Variants in ABCA1 observed in about 807,000 individuals in gnomAD.
ABCA1 encodes the protein phospholipid-transporting ATPase ABCA1.
In ABCA1, 133 loss-of-function variants were observed where a neutral mutation model predicts 262.5. That is an observed-to-expected ratio of 0.51 (90% CI 0.44 to 0.59). The LOEUF (loss-of-function observed/expected upper bound fraction) is 0.59. ABCA1 is among the 20% of genes least tolerant of loss of function. ABCA1 has a pLI of 0.00. For missense variants in ABCA1, 2,452 were observed against 2,777.5 expected (o/e 0.88, Z 2.63); for synonymous variants, 1,022 against 1,043.5 (o/e 0.98, Z 0.40).
At chr9:104,851,512 A>C (rs1462025621) in intron 7 of ABCA1, among the ~76,000 whole-genome samples, 4 of 152,132 alleles carry the variant, frequency 2.6e-5, no homozygotes, top group Non-Finnish European at 4.4e-5. Context: ...GGACCAATGC[A>C]TATACTATGT....
chr9:104,805,367 G>A (rs946103974), intron 31 of ABCA1, among the ~76,000 whole-genome samples: 4 of 152,232 alleles, frequency 2.6e-5, no homozygotes, highest in East Asian at 1.9e-4. Flanking sequence ...GAGCCACCCC[G>A]CACCTGGACT....
chr9:104,801,989 A>G (rs1830376869), intron 34 of ABCA1, 65 bp downstream of exon 34: 1 of 1,447,734 alleles, frequency 6.9e-7, no homozygotes, highest in Non-Finnish European at 9.7e-7. Context: ...TAACCTGCCA[A>G]CTACTCCTAT....
At chr9:104,891,547 G>A (rs187652500) in intron 2 of ABCA1, among the ~76,000 whole-genome samples, 6 of 151,882 alleles carry the variant, frequency 4.0e-5, no homozygotes, top group Admixed American at 1.3e-4. Flanking sequence ...AGAATCACTC[G>A]AACCCAGAAG....
intron 2 of ABCA1, among the ~76,000 whole-genome samples, chr9:104,895,444 A>G (rs913618070): frequency 1.3e-5 from 2 of 151,940 alleles, no homozygotes; most frequent in African/African-American, 4.8e-5. Flanking sequence ...ATATCAGCAC[A>G]TACATTCCCA....
At chr9:104,785,239 G>A (rs1270307971) in intron 49 of ABCA1, among the ~76,000 whole-genome samples, 157 bp downstream of exon 49, 1 of 152,096 alleles carries the variant, frequency 6.6e-6, no homozygotes, top group African/African-American at 2.4e-5. Flanking sequence ...CCCTTTTCAG[G>A]TTCAGAGAGG....
chr9:104,789,221 C>T (rs1403008460), intron 44 of ABCA1, among the ~76,000 whole-genome samples: 2 of 152,210 alleles, frequency 1.3e-5, no homozygotes, highest in African/African-American at 2.4e-5. Context: ...TTGAGGCACA[C>T]GTGGACACCG....
At chr9:104,866,635 T>C (rs935165436) in intron 5 of ABCA1, among the ~76,000 whole-genome samples, 1 of 152,110 alleles carries the variant, frequency 6.6e-6, no homozygotes, top group Non-Finnish European at 1.5e-5. Flanking sequence ...GCACCCGCCA[T>C]CACGCCCAGC....
At chr9:104,821,083 A>G (rs986749326) in intron 20 of ABCA1, among the ~76,000 whole-genome samples, 1 of 152,068 alleles carries the variant, frequency 6.6e-6, no homozygotes, top group African/African-American at 2.4e-5. Flanking sequence ...TCTCTACTAA[A>G]AACACAAAAA....
At chr9:104,893,191 G>A (rs1381262344) in intron 2 of ABCA1, among the ~76,000 whole-genome samples, 1 of 152,064 alleles carries the variant, frequency 6.6e-6, no homozygotes, top group Non-Finnish European at 1.5e-5. Flanking sequence ...GGGAGGCTGA[G>A]GTGGGTTGAT....
intron 17 of ABCA1, 26 bp from the exon 18 acceptor site, chr9:104,824,604 C>T (rs1235796075): frequency 6.2e-7 from 1 of 1,611,686 alleles, no homozygotes; most frequent in South Asian, 1.1e-5. Context: ...AGGTATGAGC[C>T]AAGCTCAGCA....
rs777143059 is a variant in ABCA1 at position 104,806,243 on chromosome 9, G to A, written c.4462C>T (p.Gln1488Ter). ...ATCACCCCCTGAAAGTGACTCACTT[G>A]TGGAGGAGGCAGCCCCCCTGCCCCT... is the stretch of plus-strand genomic sequence containing the variant. ...PPGAGGLPPPQRKQNTADILQ... is the reference protein window; with the variant it reads ...PPGAGGLPPP The change falls in exon 31 of 50, where the codon CAA becomes TAA. Residue 1488 changes from glutamine to a stop codon, truncating the protein, a stop_gained and splice_region_variant. Transcript: ENST00000374736. LOFTEE classifies it high-confidence loss of function. 1 of 1,612,678 alleles carries A rather than the reference G, an allele frequency of 6.2e-7. No individual in the cohort carries two copies. Among genetic ancestry groups the A allele is most frequent in the African/African-American group, 1.3e-5 (1 of 74,886 alleles).
chr9:104,781,778 C>T lies in ABCA1; in HGVS notation c.*2537G>A, dbSNP rs999916021. ...ATGCAAAAGCAGAAATTTTTGAACA[C>T]GTATTTTGAGAATTTCTGAAACTCA... is the stretch of plus-strand genomic sequence containing the variant. On this transcript the variant is annotated 3_prime_UTR_variant, in exon 50 of 50. Transcript: ENST00000374736. 3.9e-4 allele frequency: 60 copies of T among 152,486 alleles called. No homozygotes were observed. The highest frequency in any genetic ancestry group is 1.4e-3 in the African/African-American group (57 of 41,428). 9.4% of individuals were successfully genotyped at this position (152,486 alleles called of 1,614,324 possible). A position where few individuals can be genotyped will look rare whatever the true frequency, so the allele number is the denominator to read the frequency against.
At chr9:104,836,875 G>A in intron 11 of ABCA1, 105 bp downstream of exon 11, 1 of 926,028 alleles carries the variant, frequency 1.1e-6, no homozygotes, top group South Asian at 1.3e-5. Flanking sequence ...CCCCCAGCTA[G>A]ATAAACTGAA....
intron 3 of ABCA1, among the ~76,000 whole-genome samples, chr9:104,888,664 GAATAA>G (rs1839437035): frequency 6.6e-6 from 1 of 152,064 alleles, no homozygotes; most frequent in South Asian, 2.1e-4. Context: ...GTTGTTATGA[GAATAA>G]AATAAAATAA....
At chr9:104,821,971 C>T (rs1278091372) in intron 19 of ABCA1, among the ~76,000 whole-genome samples, 1 of 152,118 alleles carries the variant, frequency 6.6e-6, no homozygotes, top group Non-Finnish European at 1.5e-5. Flanking sequence ...ATGTCACCCC[C>T]CAAAGATATA....
In ABCA1 at chr9:104,803,334, C is replaced by CA. The variant is rs1163375950; in HGVS notation, c.4560-19dup. 1.9e-6 allele frequency: 3 copies of CA among 1,613,692 alleles called. No individual in the cohort carries two copies. Among genetic ancestry groups the CA allele is most frequent in the East Asian group, 2.2e-5 (1 of 44,874 alleles). On this transcript the variant is annotated intron_variant, in intron 32 of 49. Transcript: ENST00000374736. ...TCTTTAAGCTGCAGAGACAAAGAAACAAAAAATCAGTTCAAAGAAAGCACT... is the reference window on the plus strand; with the variant it reads ...TCTTTAAGCTGCAGAGACAAAGAAACAAAAAAATCAGTTCAAAGAAAGCACT...
At chr9:104,910,691 A>G (rs1367997605) in intron 1 of ABCA1, among the ~76,000 whole-genome samples, 1 of 152,158 alleles carries the variant, frequency 6.6e-6, no homozygotes, top group African/African-American at 2.4e-5. Context: ...AGCTATCAAT[A>G]TCTCTCTTTT....
Position 104,832,577 on chromosome 9 carries a change from C to G in ABCA1, c.1506G>C (p.Met502Ile), listed in dbSNP as rs1187685735. The G allele has an allele frequency of 6.2e-7, 1 of 1,614,068 alleles. No homozygotes were observed. Among genetic ancestry groups the G allele is most frequent in the East Asian group, 2.2e-5 (1 of 44,896 alleles). Residue 502 changes from methionine (M) to isoleucine (I), a missense_variant, in exon 12 of 50, where the codon ATG (methionine) becomes ATC (isoleucine). By Grantham distance (10) the Met-to-Ile change is conservative. This residue lies in a region of ABCA1 where 1,032 missense variants were observed against 1,089.7 expected (regional missense o/e 0.95). Transcript: ENST00000374736. ...NQAIRTISRF[M>I]ECVNLNKLEP... Reference sequence around the variant, plus strand: ...ATGATCCCAGCAACAGATTCACCTCCATGAAGCGAGATATGGTCCGGATTG... The same window carrying G: ...ATGATCCCAGCAACAGATTCACCTCGATGAAGCGAGATATGGTCCGGATTG...
intron 2 of ABCA1, among the ~76,000 whole-genome samples, chr9:104,895,051 C>G (rs1316456409): frequency 6.6e-6 from 1 of 152,208 alleles, no homozygotes; most frequent in Non-Finnish European, 1.5e-5. Flanking sequence ...AAGCTTAGCA[C>G]TTTTCCTAAA....
Sources: allele counts gnomAD v4.1 joint callset (sites outside exome capture counted in the v4.1 genomes callset), GRCh38; gene constraint gnomAD v4.1.1; regional missense constraint gnomAD v4.1.1; transcripts MANE v1.5; gene names NCBI Gene and HGNC (gene_info 2026-07-23, HGNC 2026-07-21).